Variants in SLC39A11 observed in about 807,000 individuals in gnomAD.
The protein encoded by SLC39A11 is zinc transporter ZIP11.
Under a neutral mutation model 36.1 loss-of-function variants are expected in SLC39A11, and 33 were observed. The observed-to-expected ratio is 0.91, with a 90% CI of 0.69 to 1.22. The LOEUF (loss-of-function observed/expected upper bound fraction) is 1.22. Among genes scored for constraint, SLC39A11 ranks in the 50% most tolerant of loss-of-function variants. SLC39A11 has a pLI of 0.00. For missense variants in SLC39A11, 432 were observed against 430.3 expected, an observed-to-expected ratio of 1.00 and a Z score of -0.03; for synonymous variants, 166 against 170.3, an observed-to-expected ratio of 0.97 and a Z score of 0.20.
intron 6 of SLC39A11, among the ~76,000 whole-genome samples, chr17:72,759,168 T>C (rs8077412): frequency 0.31 from 46,813 of 151,428 alleles, 11,276 homozygotes; most frequent in African/African-American, 0.66. Context: ...ATAATACAGA[T>C]ACCAGATAGC....
rs28515582 is a variant in SLC39A11, at chr17:72,880,405, C to T, written c.431-30601G>A. Among the ~76,000 whole-genome samples the T allele has an allele frequency of 6.3e-3, 960 of 151,984 alleles. 15 individuals carry two copies. The highest frequency in any genetic ancestry group is 0.022 in the African/African-American group (912 of 41,378). On this transcript the variant is annotated intron_variant, in intron 5 of 9. Coordinates refer to ENST00000255559, the MANE Select transcript of SLC39A11 (RefSeq NM_139177.4). ...GCAACATGGTGAAACCCTGTCTCTACTCCCCCACAAAAAAAAACCTGTTGG... is the reference window on the plus strand; with the variant it reads ...GCAACATGGTGAAACCCTGTCTCTATTCCCCCACAAAAAAAAACCTGTTGG...
intron 7 of SLC39A11, among the ~76,000 whole-genome samples, chr17:72,715,583 C>T (rs1398135234): frequency 1.3e-5 from 2 of 152,148 alleles, no homozygotes; most frequent in Non-Finnish European, 2.9e-5. Flanking sequence ...TATGAGGTCC[C>T]TAGAGGAGTC....
At chr17:72,675,886 T>C (rs1477079752) in intron 7 of SLC39A11, among the ~76,000 whole-genome samples, 1 of 151,988 alleles carries the variant, frequency 6.6e-6, no homozygotes, top group Admixed American at 6.6e-5. Flanking sequence ...ACCATGTTGG[T>C]CAGGCTGGTC....
Position 72,646,079 on chromosome 17 carries a change from C to T in SLC39A11, c.*1505G>A, listed in dbSNP as rs558977067. On this transcript the variant is annotated 3_prime_UTR_variant, in exon 10 of 10. Coordinates refer to ENST00000255559, the MANE Select transcript of SLC39A11 (RefSeq NM_139177.4). ...AAACATACATACACCAACCACCACA[C>T]CAGTTAATCTCAACCAATCAAACCT... is the stretch of plus-strand genomic sequence containing the variant. 2 of 152,654 alleles carry T rather than the reference C, an allele frequency of 1.3e-5. No individual in the cohort carries two copies. Among genetic ancestry groups the T allele is most frequent in the South Asian group, 2.1e-4 (1 of 4,828 alleles). The allele number at this position is 152,654 out of a possible 1,614,324, so 9.5% of individuals were successfully genotyped here.
intron 4 of SLC39A11, among the ~76,000 whole-genome samples, chr17:72,991,519 G>A (rs1032686594): frequency 1.6e-4 from 24 of 151,994 alleles, no homozygotes; most frequent in African/African-American, 5.3e-4. Context: ...CACCACACCC[G>A]GCTAATTTTT....
At chr17:72,906,004 T>C (rs1041489648) in intron 5 of SLC39A11, among the ~76,000 whole-genome samples, 1 of 152,138 alleles carries the variant, frequency 6.6e-6, no homozygotes, top group African/African-American at 2.4e-5. Context: ...CCGCCTGCCT[T>C]GGCCTCCCAA....
At chr17:72,800,369 G>A (rs1165646375) in intron 6 of SLC39A11, among the ~76,000 whole-genome samples, 2 of 144,722 alleles carry the variant, frequency 1.4e-5, no homozygotes, top group African/African-American at 2.6e-5. Context: ...GGAGTGCAGT[G>A]GTGCAATCTC....
chr17:72,791,083 C>T (rs750801659), intron 6 of SLC39A11, among the ~76,000 whole-genome samples: 45 of 152,194 alleles, frequency 3.0e-4, no homozygotes, highest in Non-Finnish European at 5.7e-4. Flanking sequence ...ATTCTCAGGT[C>T]CCATTTCAGA....
chr17:72,700,118 C>T (rs901015123), intron 7 of SLC39A11, among the ~76,000 whole-genome samples: 6 of 152,252 alleles, frequency 3.9e-5, no homozygotes, highest in Middle Eastern at 3.4e-3. Context: ...GCGCCTGGGG[C>T]GAAGGGACAT....
At chr17:72,788,030 A>T (rs181172158) in intron 6 of SLC39A11, among the ~76,000 whole-genome samples, 1 of 152,338 alleles carries the variant, frequency 6.6e-6, no homozygotes, top group East Asian at 1.9e-4. Flanking sequence ...AGGCAGGGTC[A>T]ACATGTTTTA....
intron 6 of SLC39A11, among the ~76,000 whole-genome samples, chr17:72,772,238 G>C (rs887899433): frequency 2.0e-4 from 30 of 152,152 alleles, no homozygotes; most frequent in African/African-American, 7.0e-4. Context: ...CGCTACAATT[G>C]TGCCTTCCTC....
At chr17:72,810,062 TCAAAAA>T (rs1368372993) in intron 6 of SLC39A11, among the ~76,000 whole-genome samples, 1 of 131,964 alleles carries the variant, frequency 7.6e-6, no homozygotes, top group African/African-American at 3.0e-5. Flanking sequence ...AGACTCTGTC[TCAAAAA>T]CAAAAACAAA....
chr17:72,735,991 TGGA>T, intron 7 of SLC39A11, among the ~76,000 whole-genome samples: 1 of 152,272 alleles, frequency 6.6e-6, no homozygotes, highest in Middle Eastern at 3.4e-3. Flanking sequence ...CAGGGAACCC[TGGA>T]GGAGGGGCAG....
intron 6 of SLC39A11, among the ~76,000 whole-genome samples, chr17:72,757,958 C>T (rs140930305): frequency 0.029 from 4,467 of 152,028 alleles, 90 homozygotes; most frequent in African/African-American, 0.058. Context: ...TGATCTCGGC[C>T]TACTGCAACC....
intron 6 of SLC39A11, among the ~76,000 whole-genome samples, chr17:72,793,511 C>T (rs2714019): frequency 0.57 from 86,634 of 151,948 alleles, 25,614 homozygotes; most frequent in Non-Finnish European, 0.66. Context: ...GATTGGATTG[C>T]GTGGAATAGA....
intron 4 of SLC39A11, among the ~76,000 whole-genome samples, chr17:72,966,174 T>C (rs915432968): frequency 6.6e-6 from 1 of 152,220 alleles, no homozygotes; most frequent in Non-Finnish European, 1.5e-5. Flanking sequence ...CTGGCACCCC[T>C]GCTGGCCTGG....
intron 4 of SLC39A11, among the ~76,000 whole-genome samples, chr17:73,002,103 C>G (rs1356192519): frequency 1.3e-4 from 19 of 151,956 alleles, no homozygotes; most frequent in Admixed American, 1.2e-3. Flanking sequence ...AAAATGCATT[C>G]TATTGTAAGA....
At chr17:72,848,685 C>A in intron 6 of SLC39A11, among the ~76,000 whole-genome samples, 1 of 150,510 alleles carries the variant, frequency 6.6e-6, no homozygotes, top group East Asian at 2.0e-4. Flanking sequence ...CGCTCCACTG[C>A]ACTCCAGCCT....
At chr17:72,847,170 A>G (rs1171710336) in intron 6 of SLC39A11, among the ~76,000 whole-genome samples, 1 of 152,186 alleles carries the variant, frequency 6.6e-6, no homozygotes, top group African/African-American at 2.4e-5. Context: ...TGAGAGGCTG[A>G]GGTGGGCTAA....
Sources: allele counts gnomAD v4.1 joint callset (sites outside exome capture counted in the v4.1 genomes callset), GRCh38; gene constraint gnomAD v4.1.1; transcripts MANE v1.5; gene names NCBI Gene and HGNC (gene_info 2026-07-23, HGNC 2026-07-21).